Variants in FAM174A observed in about 807,000 individuals in gnomAD.
FAM174A encodes membrane protein FAM174A.
In FAM174A, 14 loss-of-function variants were observed where a neutral mutation model predicts 14.3. That is an observed-to-expected ratio of 0.98 (90% CI 0.65 to 1.53). The LOEUF is 1.53. Ranked by LOEUF, FAM174A falls within the 40% of genes most tolerant of loss-of-function variation. FAM174A has a pLI of 0.00. For missense variants in FAM174A, 241 were observed against 249.6 expected (o/e 0.97, Z 0.23); for synonymous variants, 108 against 111.4 (o/e 0.97, Z 0.19).
chr5:100,582,546 A>G (rs1321825925), intron 2 of FAM174A, among the ~76,000 whole-genome samples: 1 of 151,892 alleles, frequency 6.6e-6, no homozygotes, highest in Non-Finnish European at 1.5e-5. Context: ...ATATTTTTGG[A>G]AGGCAGGATT....
intron 1 of FAM174A, among the ~76,000 whole-genome samples, chr5:100,556,006 A>C (rs1746370661): frequency 6.6e-6 from 1 of 152,162 alleles, no homozygotes; most frequent in South Asian, 2.1e-4. Context: ...TTTCGACATG[A>C]AGTCCTTGTC....
At chr5:100,573,520 G>T (rs967479492) in intron 2 of FAM174A, among the ~76,000 whole-genome samples, 8 of 152,122 alleles carry the variant, frequency 5.3e-5, no homozygotes, top group African/African-American at 1.9e-4. Context: ...ACTTACAAGG[G>T]ATGTGAAGGA....
intron 1 of FAM174A, among the ~76,000 whole-genome samples, chr5:100,558,419 T>C (rs1173613016): frequency 6.6e-6 from 1 of 152,168 alleles, no homozygotes; most frequent in African/African-American, 2.4e-5. Flanking sequence ...ATTCTGTTGA[T>C]TTGGGGTGGA....
rs200183876 is a variant in FAM174A at position 100,583,081 on chromosome 5, GAAAAT to G, written c.570-3099_570-3095del. ...TTACAACAAAGCATGCTAAAGAAAA[GAAAAT>G]GTTACTAAGAAAATCATAAGGAAGA... On this transcript the variant is annotated intron_variant, in intron 2 of 2. Coordinates refer to ENST00000312637, the MANE Select transcript of FAM174A (RefSeq NM_198507.3). Among the ~76,000 whole-genome samples, 1,394 of 152,210 alleles carry G rather than the reference GAAAAT, an allele frequency of 9.2e-3. 13 individuals carry two copies. The highest frequency in any genetic ancestry group is 0.014 in the Non-Finnish European group (938 of 67,978).
intron 2 of FAM174A, 141 bp downstream of exon 2, chr5:100,562,329 T>C (rs1746542268): frequency 1.5e-6 from 1 of 667,828 alleles, no homozygotes; most frequent in South Asian, 2.5e-5. Flanking sequence ...TTCTTTTTGC[T>C]ATCTACCCCA....
Position 100,577,893 on chromosome 5 carries a change from A to G in FAM174A, c.570-8288A>G, listed in dbSNP as rs1214434614. Among the ~76,000 whole-genome samples, 7 of 152,178 alleles carry G rather than the reference A, an allele frequency of 4.6e-5. No homozygotes were observed. In the East Asian group the frequency reaches 1.2e-3, roughly 25 times the overall value. On this transcript the variant is annotated intron_variant, in intron 2 of 2. Transcript: ENST00000312637. Reference sequence around the variant, plus strand: ...TTAAATTTGGCTATTGATGAAAAAGAAATATTTGGGATTGGAGTCACTGAA... The same window carrying G: ...TTAAATTTGGCTATTGATGAAAAAGGAATATTTGGGATTGGAGTCACTGAA...
intron 2 of FAM174A, among the ~76,000 whole-genome samples, chr5:100,565,182 C>T (rs1195210764): frequency 6.6e-6 from 1 of 151,650 alleles, no homozygotes; most frequent in Non-Finnish European, 1.5e-5. Context: ...GGGATTTGTC[C>T]CTGGAATGCA....
At chr5:100,561,016 G>A (rs1297448940) in intron 1 of FAM174A, among the ~76,000 whole-genome samples, 1 of 151,936 alleles carries the variant, frequency 6.6e-6, no homozygotes, top group East Asian at 1.9e-4. Flanking sequence ...TGGTTATGTA[G>A]TGGTGAATAA....
At chr5:100,571,002 T>C (rs1056263861) in intron 2 of FAM174A, among the ~76,000 whole-genome samples, 3 of 151,942 alleles carry the variant, frequency 2.0e-5, no homozygotes, top group Non-Finnish European at 4.4e-5. Context: ...GATTCTTGAA[T>C]GTTAAACCAA....
At chr5:100,573,266 AT>A (rs1434300196) in intron 2 of FAM174A, among the ~76,000 whole-genome samples, 6 of 151,540 alleles carry the variant, frequency 4.0e-5, no homozygotes, top group African/African-American at 1.5e-4. Context: ...ATTAGATCCC[AT>A]TTGTCAATTT....
At position 100,550,553 on chromosome 5, in the gene FAM174A, G is replaced by T. The variant is rs554311402; in HGVS notation, c.435-11501G>T. On this transcript the variant is annotated intron_variant, in intron 1 of 2. Transcript: ENST00000312637. ...TTTATGACAGAAGTTGTGTGCTGTG[G>T]CTACTGTGGTGAGTAAGAACAGATA... is the stretch of plus-strand genomic sequence containing the variant. Among the ~76,000 whole-genome samples the T allele has an allele frequency of 3.9e-5, 6 of 152,236 alleles. No homozygotes were observed. The South Asian group carries it at 1.2e-3, about 32-fold the overall frequency.
intron 2 of FAM174A, among the ~76,000 whole-genome samples, chr5:100,574,709 A>T (rs1173431640): frequency 6.6e-6 from 1 of 152,084 alleles, no homozygotes; most frequent in East Asian, 1.9e-4. Context: ...CCTATATTCT[A>T]CCAGGGAGGA....
At chr5:100,549,163 A>T (rs1348685438) in intron 1 of FAM174A, among the ~76,000 whole-genome samples, 1 of 152,120 alleles carries the variant, frequency 6.6e-6, no homozygotes, top group Non-Finnish European at 1.5e-5. Context: ...GATAATTCTG[A>T]AAGGGTTGGT....
intron 2 of FAM174A, among the ~76,000 whole-genome samples, chr5:100,568,544 A>G (rs950789492): frequency 1.3e-5 from 2 of 149,930 alleles, no homozygotes; most frequent in African/African-American, 2.4e-5. Context: ...ATCACTTCAC[A>G]CTTCCCATTC....
intron 2 of FAM174A, among the ~76,000 whole-genome samples, chr5:100,569,826 A>G (rs889770723): frequency 9.9e-5 from 15 of 151,784 alleles, no homozygotes; most frequent in Non-Finnish European, 1.5e-5. Flanking sequence ...ATACACATAC[A>G]TATATATGGA....
rs1046807529 is a variant in FAM174A, at chr5:100,581,289, G to A, written c.570-4892G>A. The stretch of plus-strand genomic sequence containing the variant: ...CTACAACTTCTATATCACCTCTCCA[G>A]AGAGTAGGAATCCTTAGCTACTTTT... On this transcript the variant is annotated intron_variant, in intron 2 of 2. Coordinates refer to ENST00000312637, the MANE Select transcript of FAM174A (RefSeq NM_198507.3). The A allele has an allele frequency of 6.6e-6, 5 of 752,276 alleles. No individual in the cohort carries two copies. The Admixed American group carries it at 1.9e-4, about 28-fold the overall frequency. The allele number at this position is 752,276 out of a possible 1,614,324, so 46.6% of individuals were successfully genotyped here.
intron 1 of FAM174A, among the ~76,000 whole-genome samples, chr5:100,561,609 C>G (rs1295287848): frequency 6.6e-6 from 1 of 151,844 alleles, no homozygotes; most frequent in East Asian, 1.9e-4. Context: ...GAGTTGTGGG[C>G]TATCAGTTTA....
intron 2 of FAM174A, among the ~76,000 whole-genome samples, chr5:100,582,931 T>C (rs1033097750): frequency 9.2e-5 from 14 of 152,176 alleles, no homozygotes; most frequent in Non-Finnish European, 2.1e-4. Flanking sequence ...AAAATCCACG[T>C]GTAATTTTTG....
rs888934303 is a variant in FAM174A at position 100,535,381 on chromosome 5, A to G, written c.-150A>G. 8.9e-6 allele frequency: 7 copies of G among 789,514 alleles called. No homozygotes were observed. The highest frequency in any genetic ancestry group is 1.4e-5 in the Non-Finnish European group (7 of 491,604). 48.9% of individuals were successfully genotyped at this position (789,514 alleles called of 1,614,324 possible). On this transcript the variant is annotated 5_prime_UTR_variant, in exon 1 of 3. Transcript: ENST00000312637. ...ACTTCCGGTTCTCCGGGCAGCTGCC[A>G]CTGCTGTAGCTTCTGCCACCTGCCA...
Sources: gnomAD v4.1 joint callset for allele counts (sites outside exome capture counted in the v4.1 genomes callset) on GRCh38, gnomAD v4.1.1 for gene constraint, MANE v1.5 for transcripts, NCBI Gene and HGNC (gene_info 2026-07-23, HGNC 2026-07-21) for gene names.